Variants in CWC27 observed in about 807,000 individuals in gnomAD.
CWC27 encodes the protein CWC27 spliceosome associated cyclophilin, also known as spliceosome-associated protein CWC27 homolog.
In CWC27, 47 loss-of-function variants were observed where a neutral mutation model predicts 63.6. The ratio of observed to expected loss-of-function variants is 0.74; its 90% CI spans 0.58 to 0.94. The LOEUF (loss-of-function observed/expected upper bound fraction) is 0.94, where lower values mean the gene tolerates loss of function less well. Among genes scored for constraint, CWC27 ranks in the 40% least tolerant of loss-of-function variants. The pLI is 0.00. For missense variants in CWC27, 495 were observed against 554.3 expected, an observed-to-expected ratio of 0.89 and a Z score of 1.07; for synonymous variants, 175 against 179.8, an observed-to-expected ratio of 0.97 and a Z score of 0.22.
chr5:64,896,140 A>G lies in CWC27; in HGVS notation c.1042+10594A>G, dbSNP rs147787380. Among the ~76,000 whole-genome samples, 1,400 of 152,364 alleles carry G rather than the reference A, an allele frequency of 9.2e-3. 16 individuals are homozygous for G. The highest frequency in any genetic ancestry group is 0.032 in the African/African-American group (1,331 of 41,582). ...GAGATCTTAAAAGCAGTCGGAAAAG[A>G]TATTACCATTAAAAAAGCAAGAGCT... On this transcript the variant is annotated intron_variant, in intron 11 of 13. Coordinates refer to ENST00000381070, the MANE Select transcript of CWC27 (RefSeq NM_005869.4).
chr5:64,825,852 T>G (rs1351000575), intron 10 of CWC27, among the ~76,000 whole-genome samples: 1 of 152,166 alleles, frequency 6.6e-6, no homozygotes, highest in Non-Finnish European at 1.5e-5. Flanking sequence ...GTGACTTAGG[T>G]AAAGCAGATT....
chr5:64,811,458 AT>A (rs1744876954), intron 10 of CWC27, among the ~76,000 whole-genome samples: 2 of 152,180 alleles, frequency 1.3e-5, no homozygotes, highest in South Asian at 4.2e-4. Flanking sequence ...GTGATTCTAA[AT>A]TTTTATTGTG....
At chr5:65,005,325 G>A (rs982105947) in intron 13 of CWC27, among the ~76,000 whole-genome samples, 2 of 152,150 alleles carry the variant, frequency 1.3e-5, no homozygotes, top group African/African-American at 4.8e-5. Flanking sequence ...GACGGTGGCA[G>A]TGAGGAAGGT....
At chr5:64,788,645 G>A (rs980115909) in intron 6 of CWC27, among the ~76,000 whole-genome samples, 2 of 151,786 alleles carry the variant, frequency 1.3e-5, no homozygotes, top group Admixed American at 6.6e-5. Flanking sequence ...ATATAAAAAA[G>A]CTTAATTATT....
intron 11 of CWC27, among the ~76,000 whole-genome samples, chr5:64,886,567 A>T (rs1011149035): frequency 1.3e-5 from 2 of 152,122 alleles, no homozygotes; most frequent in Non-Finnish European, 2.9e-5. Context: ...TACACATTCT[A>T]ATACAGTGGC....
intron 10 of CWC27, among the ~76,000 whole-genome samples, chr5:64,864,001 A>G (rs1746478125): frequency 6.6e-6 from 1 of 152,132 alleles, no homozygotes; most frequent in Non-Finnish European, 1.5e-5. Context: ...TTCATCTATA[A>G]AGAAAAGCTT....
rs781194080 is a variant in CWC27 at position 64,774,719 on chromosome 5, T to C, written c.71T>C (p.Ile24Thr). ...KVLLKTTAGD[I>T]DIELWSKEAP... ...TTATTGAAAACTACAGCTGGAGATA[T>C]TGACATAGAGTTGTGGTCCAAAGAA... The change falls in exon 2 of 14, where the codon ATT (isoleucine) becomes ACT (threonine). Residue 24 changes from isoleucine to threonine, a missense_variant. This residue lies in a region of CWC27 where 463 missense variants were observed against 498.1 expected (regional missense o/e 0.93). Transcript: ENST00000381070. 22 of 1,597,212 alleles carry C rather than the reference T, an allele frequency of 1.4e-5. No individual in the cohort carries two copies. The highest frequency in any genetic ancestry group is 7.0e-5 in the Admixed American group (4 of 57,190).
chr5:64,852,147 G>A (rs1746146172), intron 10 of CWC27, among the ~76,000 whole-genome samples: 1 of 152,262 alleles, frequency 6.6e-6, no homozygotes, highest in Middle Eastern at 3.4e-3. Flanking sequence ...GGAAACATAA[G>A]TAACTGGTTA....
chr5:64,980,883 A>G (rs771559600), intron 13 of CWC27, among the ~76,000 whole-genome samples: 1 of 152,176 alleles, frequency 6.6e-6, no homozygotes, highest in African/African-American at 2.4e-5. Flanking sequence ...CTTGAGGTCA[A>G]GAGTTTGAGA....
chr5:64,808,897 G>A (rs1017670716), intron 10 of CWC27, among the ~76,000 whole-genome samples: 2 of 152,082 alleles, frequency 1.3e-5, no homozygotes, highest in African/African-American at 4.8e-5. Flanking sequence ...GGTAAAGTCT[G>A]GGAAGATCCT....
At chr5:64,963,442 G>A (rs1205764598) in intron 11 of CWC27, among the ~76,000 whole-genome samples, 1 of 152,160 alleles carries the variant, frequency 6.6e-6, no homozygotes, top group African/African-American at 2.4e-5. Context: ...GAGAATTAGT[G>A]AACTGAAATA....
At chr5:64,806,739 G>T (rs1744687967) in intron 10 of CWC27, among the ~76,000 whole-genome samples, 1 of 152,134 alleles carries the variant, frequency 6.6e-6, no homozygotes, top group Non-Finnish European at 1.5e-5. Context: ...CTGCTCAGCA[G>T]GCTGAGGTGG....
At position 64,885,463 on chromosome 5, in the gene CWC27, CA is replaced by C; in HGVS notation, c.961del (p.Arg321AspfsTer3). ...TATAGTGAAGAGCTCAGAAAAGAAG[CA>C]AGACAATTAAAACGGGAACTCTTAG... ...VSRSEELRKE[A>X]RQLKRELLAA... On this transcript the variant is annotated frameshift_variant, in exon 11 of 14. Transcript: ENST00000381070. LOFTEE classifies it high-confidence loss of function. The C allele has an allele frequency of 6.2e-7, 1 of 1,607,346 alleles. No homozygotes were observed. The highest frequency in any genetic ancestry group is 8.5e-7 in the Non-Finnish European group (1 of 1,176,996).
chr5:64,839,789 T>C (rs1459035957), intron 10 of CWC27, among the ~76,000 whole-genome samples: 1 of 151,898 alleles, frequency 6.6e-6, no homozygotes, highest in Admixed American at 6.6e-5. Flanking sequence ...GTGGCACTTA[T>C]CTAAGGGGGA....
intron 11 of CWC27, among the ~76,000 whole-genome samples, chr5:64,944,596 T>G (rs1748550986): frequency 6.6e-6 from 1 of 152,212 alleles, no homozygotes; most frequent in Non-Finnish European, 1.5e-5. Flanking sequence ...TCAAACCTGC[T>G]CCTCCTGAAA....
At chr5:64,890,508 C>T (rs1462972559) in intron 11 of CWC27, among the ~76,000 whole-genome samples, 2 of 152,002 alleles carry the variant, frequency 1.3e-5, no homozygotes, top group Non-Finnish European at 2.9e-5. Flanking sequence ...AACTGGTTCT[C>T]TTTTCCAAAG....
chr5:64,909,528 GTT>G (rs892641601), intron 11 of CWC27, among the ~76,000 whole-genome samples: 2 of 152,174 alleles, frequency 1.3e-5, no homozygotes, highest in Non-Finnish European at 2.9e-5. Context: ...GCTGAAGAGT[GTT>G]TTCCAACTTG....
At chr5:64,989,376 T>TA (rs1749493739) in intron 13 of CWC27, among the ~76,000 whole-genome samples, 1 of 152,240 alleles carries the variant, frequency 6.6e-6, no homozygotes. Context: ...GATCCTTTTT[T>TA]AAAAAACAAA....
intron 11 of CWC27, among the ~76,000 whole-genome samples, chr5:64,953,975 A>ATT (rs1333069356): frequency 6.6e-6 from 1 of 152,138 alleles, no homozygotes. Context: ...CAAGGAATAC[A>ATT]TTTTCCACTA....
Sources: gnomAD v4.1 joint callset for allele counts (sites outside exome capture counted in the v4.1 genomes callset) on GRCh38, gnomAD v4.1.1 for gene constraint, gnomAD v4.1.1 regional missense constraint, MANE v1.5 for transcripts, NCBI Gene and HGNC (gene_info 2026-07-23, HGNC 2026-07-21) for gene names.